RIBC2: variants seen among roughly 807,000 people sequenced by gnomAD.
The protein encoded by RIBC2 is RIB43A-like with coiled-coils protein 2.
A neutral mutation model predicts 44.3 loss-of-function variants in RIBC2; 40 were observed. The observed-to-expected ratio is 0.90, with a 90% CI of 0.70 to 1.18. The LOEUF is 1.18. Among genes scored for constraint, RIBC2 ranks in the 50% most tolerant of loss-of-function variants. The pLI, the probability that RIBC2 is intolerant of heterozygous loss-of-function variation, is 0.00. For synonymous variants in RIBC2, 171 were observed against 175.0 expected, an observed-to-expected ratio of 0.98 and a Z score of 0.18; for missense variants, 459 against 485.5, an observed-to-expected ratio of 0.95 and a Z score of 0.51.
intron 4 of RIBC2, among the ~76,000 whole-genome samples, chr22:45,424,023 T>C (rs900049587): frequency 1.3e-5 from 2 of 152,102 alleles, no homozygotes; most frequent in African/African-American, 4.8e-5. Flanking sequence ...GGAGTGGCTT[T>C]TGCTAAACCC....
chr22:45,415,697 C>CTT (rs201281394), intron 2 of RIBC2, among the ~76,000 whole-genome samples: 5 of 151,576 alleles, frequency 3.3e-5, no homozygotes, highest in Admixed American at 6.6e-5. Context: ...CATTCCCATG[C>CTT]TTTTTTTTCT....
intron 5 of RIBC2, 121 bp downstream of exon 5, chr22:45,426,296 A>G: frequency 2.5e-6 from 2 of 810,506 alleles, no homozygotes; most frequent in Non-Finnish European, 3.9e-6. Context: ...GCCCTCAAGG[A>G]GTTTCCCTTC....
At chr22:45,420,832 G>C (rs907944061) in intron 3 of RIBC2, among the ~76,000 whole-genome samples, 2 of 152,186 alleles carry the variant, frequency 1.3e-5, no homozygotes, top group Non-Finnish European at 2.9e-5. Flanking sequence ...AGATCTTTCT[G>C]ATGGCCTCCA....
rs908339660 is a variant in RIBC2, at chr22:45,432,478, G to A, written c.*116G>A. 1.4e-5 allele frequency: 9 copies of A among 657,432 alleles called. No individual in the cohort carries two copies. The highest frequency in any genetic ancestry group is 5.7e-5 in the Admixed American group (2 of 34,928). 40.7% of individuals were successfully genotyped at this position (657,432 alleles called of 1,614,324 possible). A position where few individuals can be genotyped will look rare whatever the true frequency, so the allele number is the denominator to read the frequency against. ...CCACAAGTACCCTTCAGCTGTAATC[G>A]TCCACTGTGGACAAAACATTTATCT... is the stretch of plus-strand genomic sequence containing the variant. On this transcript the variant is annotated 3_prime_UTR_variant, in exon 7 of 7. Transcript: ENST00000614167.
In RIBC2 at chr22:45,421,593, TAG is replaced by T. The variant is rs200725032; in HGVS notation, c.557-696_557-695del. On this transcript the variant is annotated intron_variant, in intron 3 of 6. Transcript: ENST00000614167. Reference sequence around the variant, plus strand: ...ATAATAGTATTATTAATAATAATAATAGTATTATTAATAATAATAATGTTATT... The same window carrying T: ...ATAATAGTATTATTAATAATAATAATTATTATTAATAATAATAATGTTATT... Among the ~76,000 whole-genome samples the T allele has an allele frequency of 5.9e-3, 242 of 41,032 alleles. 9 individuals are homozygous for T. Among genetic ancestry groups the T allele is most frequent in the African/African-American group, 0.024 (227 of 9,412 alleles). 26.9% of individuals were successfully genotyped at this position (41,032 alleles called of 152,430 possible). A position where few individuals can be genotyped will look rare whatever the true frequency, so the allele number is the denominator to read the frequency against.
intron 6 of RIBC2, 45 bp downstream of exon 6, chr22:45,431,111 G>T: frequency 6.5e-7 from 1 of 1,548,966 alleles, no homozygotes; most frequent in African/African-American, 1.4e-5. Flanking sequence ...ACCGGGTGGA[G>T]GGACCGCGGG....
rs1048470933 is a variant in RIBC2 at position 45,422,213 on chromosome 22, G to T, written c.557-77G>T. The T allele has an allele frequency of 4.7e-5, 46 of 979,780 alleles. No homozygotes were observed. In the African/African-American group the frequency reaches 7.2e-4, roughly 15 times the overall value. The allele number at this position is 979,780 out of a possible 1,614,324, so 60.7% of individuals were successfully genotyped here. On this transcript the variant is annotated intron_variant, in intron 3 of 6. Coordinates refer to ENST00000614167, the MANE Select transcript of RIBC2 (RefSeq NM_015653.5). ...CTCATGGCTAAGGACGTGGTAGGAG[G>T]CAAAGGCACGAACGGCCACACGTGG...
In RIBC2 at chr22:45,430,969, A is replaced by T. The variant is rs778376341; in HGVS notation, c.973A>T (p.Thr325Ser). The change falls in exon 6 of 7, where the codon ACC becomes TCC. Residue 325 changes from threonine to serine, a missense_variant. Thr to Ser is a moderately conservative substitution (Grantham distance 58). Coordinates refer to ENST00000614167, the MANE Select transcript of RIBC2 (RefSeq NM_015653.5). ...GCGGAGGATTCAGGGGGCTCGCGCC[A>T]CCCTGCTGTTTGAGCGGCAGCAGTG... ...DRRRIQGARA[T>S]LLFERQQWRR... 6.2e-7 allele frequency: 1 copy of T among 1,607,784 alleles called. No homozygotes were observed. Among genetic ancestry groups the T allele is most frequent in the Non-Finnish European group, 8.5e-7 (1 of 1,177,516 alleles).
intron 3 of RIBC2, 113 bp from the exon 4 acceptor site, chr22:45,422,177 C>T (rs571061997): frequency 1.4e-6 from 1 of 739,508 alleles, no homozygotes; most frequent in South Asian, 1.5e-5. Flanking sequence ...ATTATTGTTC[C>T]CGTCCTCATG....
intron 3 of RIBC2, among the ~76,000 whole-genome samples, chr22:45,421,347 A>C (rs995146231): frequency 7.0e-6 from 1 of 143,428 alleles, no homozygotes; most frequent in African/African-American, 2.6e-5. Flanking sequence ...AATAATAATT[A>C]AATAATTAAT....
chr22:45,421,787 C>T (rs2087487569), intron 3 of RIBC2, among the ~76,000 whole-genome samples: 2 of 151,814 alleles, frequency 1.3e-5, no homozygotes, highest in Non-Finnish European at 2.9e-5. Context: ...TTGACCCCTT[C>T]ACCTCCTACT....
At chr22:45,426,643 G>C (rs866064488) in intron 5 of RIBC2, among the ~76,000 whole-genome samples, 1 of 152,224 alleles carries the variant, frequency 6.6e-6, no homozygotes, top group Admixed American at 6.5e-5. Context: ...GGCTTCTTCT[G>C]TGACGGAGAC....
chr22:45,424,392 G>A (rs2087514448), intron 4 of RIBC2, among the ~76,000 whole-genome samples: 1 of 150,366 alleles, frequency 6.7e-6, no homozygotes, highest in Non-Finnish European at 1.5e-5. Flanking sequence ...ACCACACGGG[G>A]TGCAGACCAG....
intron 3 of RIBC2, among the ~76,000 whole-genome samples, chr22:45,418,670 CAG>C (rs928436929): frequency 2.6e-5 from 4 of 152,174 alleles, no homozygotes; most frequent in South Asian, 2.1e-4. Flanking sequence ...GAAGACAAAA[CAG>C]GGACCAGGCA....
chr22:45,417,271 G>GT (rs1218510093), intron 2 of RIBC2, among the ~76,000 whole-genome samples: 5 of 151,980 alleles, frequency 3.3e-5, no homozygotes, highest in Admixed American at 2.0e-4. Flanking sequence ...GGGTTTTGGG[G>GT]TTTTTTTAAT....
intron 3 of RIBC2, among the ~76,000 whole-genome samples, chr22:45,420,069 C>T (rs889740793): frequency 6.6e-6 from 1 of 152,168 alleles, no homozygotes; most frequent in African/African-American, 2.4e-5. Context: ...TTGGGTCTCT[C>T]CCCTTATCCT....
At chr22:45,415,258 G>GA (rs994123509) in intron 2 of RIBC2, among the ~76,000 whole-genome samples, 3 of 142,256 alleles carry the variant, frequency 2.1e-5, no homozygotes, top group South Asian at 2.3e-4. Flanking sequence ...TTTTATAATA[G>GA]AAAAAAAAGC....
Position 45,432,411 on chromosome 22 carries a change from C to A in RIBC2, c.*49C>A. 8.1e-7 allele frequency: 1 copy of A among 1,228,998 alleles called. No individual in the cohort carries two copies. Among genetic ancestry groups the A allele is most frequent in the Non-Finnish European group, 1.2e-6 (1 of 848,314 alleles). The allele number at this position is 1,228,998 out of a possible 1,614,324, so 76.1% of individuals were successfully genotyped here. On this transcript the variant is annotated 3_prime_UTR_variant, in exon 7 of 7. Transcript: ENST00000614167. ...TCATTCACGTATAAAGAGTGGCTAC[C>A]TTAAAGAGTCACGTTTCTTTTTTAA...
intron 5 of RIBC2, among the ~76,000 whole-genome samples, chr22:45,427,993 CT>C (rs1329022031): frequency 1.3e-5 from 2 of 152,232 alleles, no homozygotes; most frequent in African/African-American, 2.4e-5. Context: ...CAGCACCCCC[CT>C]TCTCACCACC....
Sources: allele counts gnomAD v4.1 joint callset (sites outside exome capture counted in the v4.1 genomes callset), GRCh38; gene constraint gnomAD v4.1.1; transcripts MANE v1.5; gene names NCBI Gene and HGNC (gene_info 2026-07-23, HGNC 2026-07-21).